Variants in CTNNA1 observed in about 807,000 individuals in gnomAD.
The protein encoded by CTNNA1 is catenin alpha-1.
Under a neutral mutation model 98.4 loss-of-function variants are expected in CTNNA1, and 37 were observed. That is an observed-to-expected ratio of 0.38 (90% CI 0.29 to 0.49). The LOEUF is 0.49. CTNNA1 is among the 20% of genes least tolerant of loss of function. The probability of loss-of-function intolerance (pLI) is 0.95; values close to 1 mark genes in which losing one functional copy is unlikely to be tolerated. For synonymous variants in CTNNA1, 404 were observed against 413.2 expected (o/e 0.98, Z 0.27); for missense variants, 761 against 1,147.2 (o/e 0.66, Z 4.86).
chr5:138,917,704 G>A (rs774033631), intron 10 of CTNNA1, 38 bp from the exon 11 acceptor site: 1 of 1,605,574 alleles, frequency 6.2e-7, no homozygotes, highest in Admixed American at 1.7e-5. Context: ...CCATGACTCT[G>A]AAAAAGAGTA....
chr5:138,862,173 A>G (rs1464676942), intron 7 of CTNNA1, among the ~76,000 whole-genome samples: 4 of 152,216 alleles, frequency 2.6e-5, no homozygotes, highest in Admixed American at 6.5e-5. Context: ...CTCTCCAGCT[A>G]TCACGAAACA....
At chr5:138,776,743 G>GGTC in intron 1 of CTNNA1, among the ~76,000 whole-genome samples, 1 of 147,836 alleles carries the variant, frequency 6.8e-6, no homozygotes, top group South Asian at 2.1e-4. Context: ...TCCCAGTAGG[G>GGTC]GCGGCCGGGC....
intron 7 of CTNNA1, among the ~76,000 whole-genome samples, chr5:138,852,352 C>G (rs1763274647): frequency 6.6e-6 from 1 of 150,392 alleles, no homozygotes; most frequent in African/African-American, 2.5e-5. Context: ...GAGGTACTTC[C>G]TTTCACCTCT....
chr5:138,915,163 AAAAT>A (rs1056304278), intron 10 of CTNNA1, among the ~76,000 whole-genome samples: 1 of 152,154 alleles, frequency 6.6e-6, no homozygotes, highest in African/African-American at 2.4e-5. Flanking sequence ...AAAATAAAAT[AAAAT>A]AAATACATTT....
At chr5:138,763,180 T>C (rs1282672653) in intron 1 of CTNNA1, among the ~76,000 whole-genome samples, 1 of 152,206 alleles carries the variant, frequency 6.6e-6, no homozygotes, top group Non-Finnish European at 1.5e-5. Context: ...CATAATCCTG[T>C]ATTTATTAAC....
chr5:138,930,035 C>A (rs372802019), intron 14 of CTNNA1, among the ~76,000 whole-genome samples: 4 of 152,308 alleles, frequency 2.6e-5, no homozygotes, highest in South Asian at 4.1e-4. Flanking sequence ...CCAGCGGTAT[C>A]TCTCAGCCCT....
intron 3 of CTNNA1, among the ~76,000 whole-genome samples, chr5:138,809,400 T>A (rs1277872928): frequency 6.6e-6 from 1 of 152,238 alleles, no homozygotes; most frequent in Non-Finnish European, 1.5e-5. Context: ...TTCATTTGTT[T>A]CTGCTTAACA....
intron 9 of CTNNA1, among the ~76,000 whole-genome samples, chr5:138,892,427 C>T (rs1755657254): frequency 7.2e-6 from 1 of 138,660 alleles, no homozygotes; most frequent in Non-Finnish European, 1.5e-5. Flanking sequence ...GCAACCTCTG[C>T]CTCCCAGTTT....
intron 7 of CTNNA1, among the ~76,000 whole-genome samples, chr5:138,842,129 A>G (rs533296482): frequency 1.3e-5 from 2 of 152,260 alleles, no homozygotes; most frequent in East Asian, 1.9e-4. Flanking sequence ...GCAAAACTCT[A>G]TCTCTATAAA....
At chr5:138,755,625 C>T (rs1751548635) in intron 1 of CTNNA1, among the ~76,000 whole-genome samples, 1 of 152,114 alleles carries the variant, frequency 6.6e-6, no homozygotes, top group East Asian at 1.9e-4. Flanking sequence ...CTGCTCTGTG[C>T]AGTCTCTTCT....
At chr5:138,805,098 G>A (rs1368361923) in intron 3 of CTNNA1, among the ~76,000 whole-genome samples, 3 of 152,108 alleles carry the variant, frequency 2.0e-5, no homozygotes, top group African/African-American at 7.2e-5. Context: ...CCTTTAAACA[G>A]CCAGATCTCA....
intron 6 of CTNNA1, among the ~76,000 whole-genome samples, chr5:138,825,482 G>GTTTTTTGTTTTTTTTTTTTTTTT (rs1554085136): frequency 8.1e-5 from 6 of 74,114 alleles, no homozygotes; most frequent in African/African-American, 2.9e-4. Flanking sequence ...AGCAGTATAA[G>GTTTTTTGTTTTTTTTTTTTTTTT]TTTTTTTTTT....
Position 138,929,501 on chromosome 5 carries a change from T to C in CTNNA1, c.2010+145T>C, listed in dbSNP as rs563149118. The stretch of plus-strand genomic sequence containing the variant: ...GGCAGTAGACTGAAGTTAAACTAAG[T>C]TGTGGCACCTGCTAGTCAAATGTAG... On this transcript the variant is annotated intron_variant, in intron 14 of 17. Coordinates refer to ENST00000302763, the MANE Select transcript of CTNNA1 (RefSeq NM_001903.5). The C allele has an allele frequency of 1.3e-4, 76 of 604,684 alleles. No individual in the cohort carries two copies. In the African/African-American group the frequency reaches 1.3e-3, roughly 10 times the overall value. The allele number at this position is 604,684 out of a possible 1,614,324, so 37.5% of individuals were successfully genotyped here. A position where few individuals can be genotyped will look rare whatever the true frequency, so the allele number is the denominator to read the frequency against.
At chr5:138,835,117 AATCGCAGTGGTG>A in intron 7 of CTNNA1, among the ~76,000 whole-genome samples, 1 of 152,154 alleles carries the variant, frequency 6.6e-6, no homozygotes, top group Non-Finnish European at 1.5e-5. Context: ...GGCAGGAACA[AATCGCAGTGGTG>A]GAATGTCATC....
At chr5:138,827,822 T>C (rs1253827465) in intron 7 of CTNNA1, 104 bp downstream of exon 7, 1 of 1,382,306 alleles carries the variant, frequency 7.2e-7, no homozygotes, top group South Asian at 1.3e-5. Context: ...AAATATGTCC[T>C]TGACTCCTTG....
At chr5:138,853,658 CAGA>C (rs1433719212) in intron 7 of CTNNA1, among the ~76,000 whole-genome samples, 4 of 152,100 alleles carry the variant, frequency 2.6e-5, no homozygotes, top group Non-Finnish European at 5.9e-5. Flanking sequence ...ATCACAGAAG[CAGA>C]AGAACTAGGA....
chr5:138,807,954 T>G (rs1282571835), intron 3 of CTNNA1, among the ~76,000 whole-genome samples: 1 of 152,110 alleles, frequency 6.6e-6, no homozygotes, highest in Non-Finnish European at 1.5e-5. Flanking sequence ...TTTCACCATG[T>G]TGGCCAGGCT....
chr5:138,903,741 G>A (rs935460685), intron 9 of CTNNA1, among the ~76,000 whole-genome samples: 1 of 152,270 alleles, frequency 6.6e-6, no homozygotes, highest in Non-Finnish European at 1.5e-5. Flanking sequence ...GGGCAGTTTT[G>A]CTTTTAACTA....
At chr5:138,865,401 C>T (rs1186509198) in intron 7 of CTNNA1, among the ~76,000 whole-genome samples, 1 of 152,234 alleles carries the variant, frequency 6.6e-6, no homozygotes, top group Non-Finnish European at 1.5e-5. Context: ...AAGAACAACT[C>T]TGCCTGTTCT....
Sources: allele counts gnomAD v4.1 joint callset (sites outside exome capture counted in the v4.1 genomes callset), GRCh38; gene constraint gnomAD v4.1.1; transcripts MANE v1.5; gene names NCBI Gene and HGNC (gene_info 2026-07-23, HGNC 2026-07-21).